AGMO: variants seen among roughly 807,000 people sequenced by gnomAD.
AGMO encodes glyceryl-ether monooxygenase.
In AGMO, 75 loss-of-function variants were observed where a neutral mutation model predicts 60.2. The ratio of observed to expected loss-of-function variants is 1.25; its 90% CI spans 1.03 to 1.51. The LOEUF (loss-of-function observed/expected upper bound fraction) is 1.51, where lower values mean the gene tolerates loss of function less well. AGMO is among the 40% of genes most tolerant of loss of function. The pLI is 0.00. For synonymous variants in AGMO, 261 were observed against 177.1 expected (o/e 1.47, Z -3.76); for missense variants, 763 against 525.5 (o/e 1.45, Z -4.42).
chr7:15,516,883 A>T (rs1783821728), intron 3 of AGMO, among the ~76,000 whole-genome samples: 1 of 152,160 alleles, frequency 6.6e-6, no homozygotes, highest in Non-Finnish European at 1.5e-5. Flanking sequence ...GATGAGGGGC[A>T]AGGGCTTCAT....
At chr7:15,202,223 T>A (rs1448648455) in intron 12 of AGMO, among the ~76,000 whole-genome samples, 1 of 151,724 alleles carries the variant, frequency 6.6e-6, no homozygotes, top group Admixed American at 6.6e-5. Context: ...ACCAGATGCC[T>A]CTCCCCAAGA....
intron 12 of AGMO, among the ~76,000 whole-genome samples, chr7:15,283,297 T>A (rs1784017715): frequency 6.6e-6 from 1 of 151,998 alleles, no homozygotes; most frequent in Non-Finnish European, 1.5e-5. Flanking sequence ...GCAGAATAGA[T>A]TAAAACCATC....
intron 12 of AGMO, among the ~76,000 whole-genome samples, chr7:15,213,763 T>C (rs893196710): frequency 5.9e-5 from 9 of 151,948 alleles, no homozygotes; most frequent in African/African-American, 1.9e-4. Context: ...GACAAAAGTA[T>C]ATCCTAATAA....
chr7:15,307,962 C>T (rs1583389387), intron 12 of AGMO, among the ~76,000 whole-genome samples: 2 of 152,002 alleles, frequency 1.3e-5, no homozygotes, highest in East Asian at 3.9e-4. Context: ...TTCCTAACGC[C>T]TAATGGTTTG....
intron 3 of AGMO, among the ~76,000 whole-genome samples, chr7:15,521,659 A>G (rs1783991228): frequency 6.6e-6 from 1 of 152,206 alleles, no homozygotes; most frequent in African/African-American, 2.4e-5. Context: ...CCTTCATGTT[A>G]AAAACACTCA....
chr7:15,343,156 G>T (rs1781919386), intron 12 of AGMO, among the ~76,000 whole-genome samples: 2 of 152,054 alleles, frequency 1.3e-5, no homozygotes, highest in African/African-American at 4.8e-5. Flanking sequence ...GTGTTCAATT[G>T]TATATTGGTG....
intron 12 of AGMO, chr7:15,306,288 T>G: frequency 4.0e-6 from 1 of 253,054 alleles, no homozygotes; most frequent in Non-Finnish European, 8.0e-6. Flanking sequence ...TGGAAAGGGT[T>G]TTGAATTTCA....
In AGMO at chr7:15,541,730, C is replaced by T. The variant is rs187596598; in HGVS notation, c.409+3042G>A. On this transcript the variant is annotated intron_variant, in intron 3 of 12. Coordinates refer to ENST00000342526, the MANE Select transcript of AGMO (RefSeq NM_001004320.2). ...ACTGTGAGAAAATGCGACATATATG[C>T]AACACAAACAAATGACAACAACAAC... Among the ~76,000 whole-genome samples, 696 of 152,216 alleles carry T rather than the reference C, an allele frequency of 4.6e-3. 5 individuals are homozygous for T. Among genetic ancestry groups the T allele is most frequent in the African/African-American group, 0.016 (654 of 41,536 alleles).
At chr7:15,365,792 T>A (rs1338124702) in intron 11 of AGMO, among the ~76,000 whole-genome samples, 173 bp from the exon 12 acceptor site, 1 of 152,048 alleles carries the variant, frequency 6.6e-6, no homozygotes, top group African/African-American at 2.4e-5. Context: ...AACACTCATC[T>A]TTTTCGGGAA....
chr7:15,272,253 A>G (rs1187794148), intron 12 of AGMO, among the ~76,000 whole-genome samples: 3 of 147,864 alleles, frequency 2.0e-5, no homozygotes, highest in Non-Finnish European at 1.5e-5. Context: ...TACATTAGGT[A>G]TATCTCCTAA....
intron 10 of AGMO, among the ~76,000 whole-genome samples, chr7:15,373,177 T>C (rs560457275): frequency 6.6e-6 from 1 of 151,952 alleles, no homozygotes; most frequent in African/African-American, 2.4e-5. Flanking sequence ...ACTTGGGAGG[T>C]TAAGGCACAA....
rs527463907 is a variant in AGMO, at chr7:15,270,596, A to ATTTTTTTTTTTTT, written c.1264-69250_1264-69238dup. 8.7e-4 allele frequency among the ~76,000 whole-genome samples: 42 copies of ATTTTTTTTTTTTT among 48,068 alleles called. 1 individual carries two copies. Among genetic ancestry groups the ATTTTTTTTTTTTT allele is most frequent in the South Asian group, 1.2e-3 (1 of 846 alleles). 31.5% of individuals were successfully genotyped at this position (48,068 alleles called of 152,430 possible). On this transcript the variant is annotated intron_variant, in intron 12 of 12. Transcript: ENST00000342526. ...ATTAAACAAATTTAATCTGTTGATA[A>ATTTTTTTTTTTTT]TTTTTTTTTTTTTTTTTTTTTTTTT...
chr7:15,549,262 C>G (rs1390379129), intron 2 of AGMO, among the ~76,000 whole-genome samples: 2 of 144,672 alleles, frequency 1.4e-5, no homozygotes, highest in African/African-American at 5.2e-5. Context: ...CATCAACTAA[C>G]GAGCAAAATC....
At chr7:15,343,081 T>C (rs1243987794) in intron 12 of AGMO, among the ~76,000 whole-genome samples, 1 of 152,136 alleles carries the variant, frequency 6.6e-6, no homozygotes, top group African/African-American at 2.4e-5. Context: ...ATTTATACTT[T>C]TATATTTTCC....
At chr7:15,489,439 A>T (rs920684488) in intron 3 of AGMO, among the ~76,000 whole-genome samples, 1 of 152,188 alleles carries the variant, frequency 6.6e-6, no homozygotes, top group Non-Finnish European at 1.5e-5. Context: ...AGAGTCCCAT[A>T]GGCAATCTTC....
Position 15,249,630 on chromosome 7 carries a change from G to T in AGMO, c.1264-48271C>A, listed in dbSNP as rs142750655. ...GGAGTATGGAATAGACTTTATTAGA[G>T]CAAGTCTTGGGTTAATATGAAGGCT... On this transcript the variant is annotated intron_variant, in intron 12 of 12. Transcript: ENST00000342526. Among the ~76,000 whole-genome samples, 21 of 152,106 alleles carry T rather than the reference G, an allele frequency of 1.4e-4. 1 individual carries two copies. In the East Asian group the frequency reaches 4.1e-3, roughly 30 times the overall value.
chr7:15,509,151 T>C (rs990322309), intron 3 of AGMO, among the ~76,000 whole-genome samples: 1 of 152,162 alleles, frequency 6.6e-6, no homozygotes, highest in African/African-American at 2.4e-5. Flanking sequence ...CTAAGTAATA[T>C]AATTAAGAGC....
intron 12 of AGMO, among the ~76,000 whole-genome samples, chr7:15,274,320 A>T (rs1044781301): frequency 1.3e-5 from 2 of 152,166 alleles, no homozygotes; most frequent in Non-Finnish European, 2.9e-5. Context: ...GAGAGTTTTT[A>T]GCATGAAGGG....
At chr7:15,361,059 T>C (rs1474081715) in intron 12 of AGMO, among the ~76,000 whole-genome samples, 2 of 152,158 alleles carry the variant, frequency 1.3e-5, no homozygotes, top group Non-Finnish European at 2.9e-5. Flanking sequence ...CTGGAAATCA[T>C]TTGTTACTAA....
Sources: gnomAD v4.1 joint callset for allele counts (sites outside exome capture counted in the v4.1 genomes callset) on GRCh38, gnomAD v4.1.1 for gene constraint, MANE v1.5 for transcripts, NCBI Gene and HGNC (gene_info 2026-07-23, HGNC 2026-07-21) for gene names.